TENM3: variants seen among roughly 807,000 people sequenced by gnomAD.
TENM3 encodes teneurin transmembrane protein 3, also known as teneurin-3.
TENM3 carries 63 observed loss-of-function variants against 255.1 expected under a neutral mutation model. The ratio of observed to expected loss-of-function variants is 0.25; its 90% CI spans 0.20 to 0.30. TENM3 has a LOEUF of 0.30. TENM3 is among the 10% of genes least tolerant of loss of function. The pLI is 1.00. For missense variants in TENM3, 2,929 were observed against 3,461.1 expected (o/e 0.85, Z 3.86); for synonymous variants, 1,306 against 1,322.3 (o/e 0.99, Z 0.27).
At chr4:181,691,276 T>C in the TENM3 span, among the ~76,000 whole-genome samples, 1 of 152,046 alleles carries the variant, frequency 6.6e-6, no homozygotes, top group Non-Finnish European at 1.5e-5. Context: ...TACATGTATA[T>C]GTGTGCATAA....
chr4:182,600,903 T>TA (rs1371611486), intron 3 of TENM3, 21 bp from the exon 4 acceptor site: 2 of 1,100,142 alleles, frequency 1.8e-6, no homozygotes, highest in African/African-American at 3.3e-5. Context: ...CTTTCTTTTT[T>TA]TTTTTTTTTT....
At chr4:182,675,898 A>G (rs1286906146) in intron 7 of TENM3, among the ~76,000 whole-genome samples, 1 of 152,224 alleles carries the variant, frequency 6.6e-6, no homozygotes, top group Admixed American at 6.5e-5. Flanking sequence ...TCTAGTATTT[A>G]AACACAATAC....
At chr4:182,330,698 AATACCAACTG>A (rs1176499847) in intron 2 of TENM3, among the ~76,000 whole-genome samples, 1 of 152,250 alleles carries the variant, frequency 6.6e-6, no homozygotes, top group African/African-American at 2.4e-5. Flanking sequence ...CTCAAGAAGA[AATACCAACTG>A]AATTAGAATC....
chr4:182,297,077 T>C (rs1404082610), intron 1 of TENM3, among the ~76,000 whole-genome samples: 1 of 152,232 alleles, frequency 6.6e-6, no homozygotes, highest in Non-Finnish European at 1.5e-5. Flanking sequence ...ATGCCAATAG[T>C]ATTATTCACC....
chr4:182,565,957 C>G (rs915525417), intron 3 of TENM3, among the ~76,000 whole-genome samples: 1 of 152,202 alleles, frequency 6.6e-6, no homozygotes, highest in African/African-American at 2.4e-5. Context: ...ATCCACCACT[C>G]TGATCAAAGG....
At chr4:181,907,913 T>C in the TENM3 span, among the ~76,000 whole-genome samples, 1 of 152,172 alleles carries the variant, frequency 6.6e-6, no homozygotes, top group African/African-American at 2.4e-5. Flanking sequence ...TATTTCCTAT[T>C]TACAAACTAG....
chr4:182,001,034 A>C, the TENM3 span, among the ~76,000 whole-genome samples: 1 of 148,426 alleles, frequency 6.7e-6, no homozygotes, highest in African/African-American at 2.5e-5. Context: ...AATTCACGGA[A>C]CAGAACAAAC....
the TENM3 span, among the ~76,000 whole-genome samples, chr4:181,467,461 T>C: frequency 6.6e-6 from 1 of 152,022 alleles, no homozygotes; most frequent in Admixed American, 6.6e-5. Flanking sequence ...AATCACCATG[T>C]TATCCAAGGG....
chr4:182,196,077 C>G (rs1753818830), intron 1 of TENM3, among the ~76,000 whole-genome samples: 1 of 152,114 alleles, frequency 6.6e-6, no homozygotes, highest in Non-Finnish European at 1.5e-5. Flanking sequence ...CTGTTTTTCC[C>G]TAGTGTCTCA....
chr4:182,356,880 A>G (rs750337477), intron 3 of TENM3, among the ~76,000 whole-genome samples: 14 of 71,722 alleles, frequency 2.0e-4, no homozygotes, highest in Non-Finnish European at 3.3e-4. Flanking sequence ...CCCCCACCCC[A>G]CAACAGTCCC....
the TENM3 span, among the ~76,000 whole-genome samples, chr4:181,494,593 T>A: frequency 6.6e-6 from 1 of 152,164 alleles, no homozygotes; most frequent in Admixed American, 6.5e-5. Context: ...GCTCAGCTTC[T>A]CTTTTTCTTA....
the TENM3 span, among the ~76,000 whole-genome samples, chr4:181,711,969 C>T: frequency 6.6e-6 from 1 of 152,080 alleles, no homozygotes; most frequent in Admixed American, 6.5e-5. Context: ...CAGTGATCCC[C>T]GTTATTTTTG....
At chr4:181,486,789 T>C in the TENM3 span, among the ~76,000 whole-genome samples, 1 of 152,246 alleles carries the variant, frequency 6.6e-6, no homozygotes, top group Non-Finnish European at 1.5e-5. Context: ...ATCCAGATAA[T>C]AAACCTAAAG....
intron 3 of TENM3, among the ~76,000 whole-genome samples, chr4:182,569,561 GAAAA>G (rs59561269): frequency 7.9e-6 from 1 of 126,194 alleles, no homozygotes; most frequent in Non-Finnish European, 1.8e-5. Flanking sequence ...CTCAAAAAAA[GAAAA>G]AAAAAAAAAG....
chr4:182,341,350 T>G (rs2080678438), intron 2 of TENM3, among the ~76,000 whole-genome samples: 2 of 152,370 alleles, frequency 1.3e-5, no homozygotes, highest in South Asian at 4.1e-4. Context: ...TGACCCATTA[T>G]AACAGTTATA....
the TENM3 span, among the ~76,000 whole-genome samples, chr4:181,678,055 C>T: frequency 1.3e-5 from 2 of 152,118 alleles, no homozygotes; most frequent in South Asian, 4.2e-4. Flanking sequence ...TATTTTTTGC[C>T]CTCATTCAAC....
At chr4:181,683,572 T>C in the TENM3 span, among the ~76,000 whole-genome samples, 4 of 152,308 alleles carry the variant, frequency 2.6e-5, no homozygotes, top group South Asian at 8.3e-4. Context: ...GACTGGTCCT[T>C]GGGCCACCCT....
At chr4:182,336,535 G>A (rs1353525429) in intron 2 of TENM3, among the ~76,000 whole-genome samples, 4 of 152,158 alleles carry the variant, frequency 2.6e-5, no homozygotes, top group Non-Finnish European at 5.9e-5. Flanking sequence ...AAGGTCAAAG[G>A]CCAAAAATAA....
intron 1 of TENM3, among the ~76,000 whole-genome samples, chr4:182,161,767 GTGTA>G (rs1346623983): frequency 0.042 from 1,006 of 23,698 alleles, 231 homozygotes; most frequent in Middle Eastern, 0.1. Context: ...ACATATATAT[GTGTA>G]TATATATATA....
Sources: gnomAD v4.1 joint callset for allele counts (sites outside exome capture counted in the v4.1 genomes callset) on GRCh38, gnomAD v4.1.1 for gene constraint, MANE v1.5 for transcripts, NCBI Gene and HGNC (gene_info 2026-07-23, HGNC 2026-07-21) for gene names.